Variants in PIK3C2G observed in about 807,000 individuals in gnomAD.
PIK3C2G encodes phosphatidylinositol-4-phosphate 3-kinase catalytic subunit type 2 gamma.
In PIK3C2G, 168 loss-of-function variants were observed where a neutral mutation model predicts 181.1. That is an observed-to-expected ratio of 0.93 (90% CI 0.82 to 1.05). PIK3C2G has a LOEUF of 1.05. Ranked by LOEUF, PIK3C2G falls within the 50% of genes least tolerant of loss-of-function variation. The pLI is 0.00. For synonymous variants in PIK3C2G, 573 were observed against 592.2 expected, an observed-to-expected ratio of 0.97 and a Z score of 0.47; for missense variants, 1,869 against 1,732.8, an observed-to-expected ratio of 1.08 and a Z score of -1.40.
chr12:18,485,401 A>G (rs1939930111), intron 18 of PIK3C2G, among the ~76,000 whole-genome samples: 1 of 152,182 alleles, frequency 6.6e-6, no homozygotes, highest in Admixed American at 6.5e-5. Context: ...TGAGTCCACT[A>G]TAATTCACTT....
At chr12:18,656,504 G>T in the PIK3C2G span, among the ~76,000 whole-genome samples, 3 of 152,158 alleles carry the variant, frequency 2.0e-5, no homozygotes, top group African/African-American at 7.2e-5. Context: ...GAAGGAGGTT[G>T]CAGTGAGACA....
At chr12:18,575,506 A>T (rs1036628043) in intron 29 of PIK3C2G, among the ~76,000 whole-genome samples, 1 of 152,196 alleles carries the variant, frequency 6.6e-6, no homozygotes, top group African/African-American at 2.4e-5. Flanking sequence ...ATTGATTCTT[A>T]GCAAATTTTG....
intron 15 of PIK3C2G, among the ~76,000 whole-genome samples, chr12:18,393,813 C>G (rs1436016644): frequency 6.6e-6 from 1 of 152,110 alleles, no homozygotes; most frequent in Admixed American, 6.6e-5. Flanking sequence ...GGTCCTCCCA[C>G]ATGACTTGCG....
At chr12:18,313,698 CTTA>C (rs1950734754) in intron 5 of PIK3C2G, among the ~76,000 whole-genome samples, 1 of 151,934 alleles carries the variant, frequency 6.6e-6, no homozygotes, top group East Asian at 1.9e-4. Context: ...CATTTTCTAA[CTTA>C]TTAATGCACA....
intron 25 of PIK3C2G, among the ~76,000 whole-genome samples, chr12:18,538,963 C>T (rs891112411): frequency 2.6e-5 from 4 of 151,936 alleles, no homozygotes; most frequent in African/African-American, 9.7e-5. Flanking sequence ...GAAATATCTT[C>T]TAGGAGAGGG....
the PIK3C2G span, among the ~76,000 whole-genome samples, chr12:18,670,097 T>A: frequency 6.6e-6 from 1 of 152,072 alleles, no homozygotes; most frequent in Non-Finnish European, 1.5e-5. Flanking sequence ...GGCTTCAAAA[T>A]ATGAATTTGG....
chr12:18,292,226 AAATAT>A (rs1358143233), intron 4 of PIK3C2G, among the ~76,000 whole-genome samples: 12 of 96,372 alleles, frequency 1.2e-4, no homozygotes, highest in African/African-American at 4.6e-4. Flanking sequence ...AAAAAAAAAA[AAATAT>A]ATATATATAT....
In PIK3C2G at chr12:18,313,971, T is replaced by C; in HGVS notation, c.1044T>C (p.Cys348=). 6 of 1,575,832 alleles carry C rather than the reference T, an allele frequency of 3.8e-6. No homozygotes were observed. The highest frequency in any genetic ancestry group is 5.2e-6 in the Non-Finnish European group (6 of 1,155,076). ...GSEEFLQNDH[C]LGSHKMFQKD... is the part of the protein sequence containing the mutation. The stretch of plus-strand genomic sequence containing the variant: ...TTTTTTCCTCCTTCAGCGACCACTG[T>C]TTGGGGAGCCACAAAATGTTTCAAA... Residue 348 remains cysteine (C), a synonymous_variant, in exon 6 of 33, where the codon TGT becomes TGC. Transcript: ENST00000538779.
chr12:18,519,076 GA>G (rs1357379042), intron 24 of PIK3C2G, among the ~76,000 whole-genome samples: 1 of 152,214 alleles, frequency 6.6e-6, no homozygotes, highest in Non-Finnish European at 1.5e-5. Context: ...GTTCTAATTT[GA>G]TTGCACTGTG....
chr12:18,314,352 A>C (rs1465214919), intron 6 of PIK3C2G, among the ~76,000 whole-genome samples: 1 of 151,998 alleles, frequency 6.6e-6, no homozygotes, highest in Non-Finnish European at 1.5e-5. Context: ...TAGTATTAGG[A>C]AGTGAGGTCT....
chr12:18,661,163 A>C, the PIK3C2G span, among the ~76,000 whole-genome samples: 17 of 152,156 alleles, frequency 1.1e-4, no homozygotes, highest in Non-Finnish European at 5.9e-5. Flanking sequence ...AACCTGTAGG[A>C]TATTATGAAG....
chr12:18,368,551 T>C (rs1748159750), intron 12 of PIK3C2G, among the ~76,000 whole-genome samples: 1 of 152,226 alleles, frequency 6.6e-6, no homozygotes, highest in Non-Finnish European at 1.5e-5. Context: ...TAAACTATAC[T>C]AATTATTCCC....
At chr12:18,477,645 C>A (rs181066002) in intron 18 of PIK3C2G, among the ~76,000 whole-genome samples, 32 of 152,130 alleles carry the variant, frequency 2.1e-4, no homozygotes, top group African/African-American at 7.7e-4. Context: ...TTTATGACAA[C>A]GAACGAGAAT....
chr12:18,684,394 G>T, the PIK3C2G span: 1 of 964,108 alleles, frequency 1.0e-6, no homozygotes, highest in Non-Finnish European at 1.5e-6. Context: ...AATATCTTGT[G>T]TTTAGAGCAC....
chr12:18,248,373 C>G (rs1948062340), intron 1 of PIK3C2G, among the ~76,000 whole-genome samples: 1 of 152,004 alleles, frequency 6.6e-6, no homozygotes, highest in South Asian at 2.1e-4. Context: ...GAGATCGAGA[C>G]CATCCTAGCT....
chr12:18,661,335 C>T, the PIK3C2G span, among the ~76,000 whole-genome samples: 80 of 117,882 alleles, frequency 6.8e-4, no homozygotes, highest in African/African-American at 1.7e-3. Context: ...CAGAAAGACC[C>T]GTACCAAGAC....
intron 1 of PIK3C2G, among the ~76,000 whole-genome samples, chr12:18,270,988 A>G (rs1164526189): frequency 6.6e-6 from 1 of 152,112 alleles, no homozygotes; most frequent in African/African-American, 2.4e-5. Flanking sequence ...TGATTTTTTT[A>G]GGCTTCCTTT....
At chr12:18,337,298 A>T (rs1002116545) in intron 8 of PIK3C2G, among the ~76,000 whole-genome samples, 1 of 151,528 alleles carries the variant, frequency 6.6e-6, no homozygotes, top group Non-Finnish European at 1.5e-5. Context: ...ATTTAAGAAC[A>T]TGTGTAAATC....
chr12:18,359,588 T>C (rs1427204045), intron 11 of PIK3C2G, among the ~76,000 whole-genome samples: 1 of 152,212 alleles, frequency 6.6e-6, no homozygotes, highest in African/African-American at 2.4e-5. Flanking sequence ...ATGTTTGCAT[T>C]ATATGTTGGG....
Sources: gnomAD v4.1 joint callset for allele counts (sites outside exome capture counted in the v4.1 genomes callset) on GRCh38, gnomAD v4.1.1 for gene constraint, MANE v1.5 for transcripts, NCBI Gene and HGNC (gene_info 2026-07-23, HGNC 2026-07-21) for gene names.